The following LINC01488 variants were observed in gnomAD, a reference collection of about 807,000 sequenced individuals.
LINC01488 encodes the protein long independently transcribed non-coding RNA 1488.
intron 1 of LINC01488, among the ~76,000 whole-genome samples, chr11:69,484,572 A>C (rs949539541): frequency 1.3e-5 from 2 of 152,264 alleles, no homozygotes; most frequent in African/African-American, 2.4e-5. Context: ...ACAGCTTTTA[A>C]GGACCTCTAG....
intron 1 of LINC01488, among the ~76,000 whole-genome samples, chr11:69,486,336 G>C (rs923535214): frequency 6.6e-6 from 1 of 152,190 alleles, no homozygotes; most frequent in African/African-American, 2.4e-5. Flanking sequence ...TGGGCCATCT[G>C]GGGGAGCATC....
At chr11:69,489,710 A>G (rs766185157) in intron 1 of LINC01488, among the ~76,000 whole-genome samples, 2 of 152,216 alleles carry the variant, frequency 1.3e-5, no homozygotes, top group Non-Finnish European at 2.9e-5. Context: ...CTCATTTGCA[A>G]AATCAAAAAG....
intron 1 of LINC01488, among the ~76,000 whole-genome samples, chr11:69,486,396 T>C (rs1857118233): frequency 6.6e-6 from 1 of 152,124 alleles, no homozygotes; most frequent in African/African-American, 2.4e-5. Context: ...CACCACGAGG[T>C]CCACCTGCCC....
At chr11:69,489,231 C>A (rs372907766) in intron 1 of LINC01488, among the ~76,000 whole-genome samples, 5 of 152,068 alleles carry the variant, frequency 3.3e-5, no homozygotes, top group Non-Finnish European at 7.4e-5. Context: ...GTCTCTCCAC[C>A]GCAGACCACA....
rs191231473 is a variant in LINC01488, at chr11:69,481,701, G to A, written n.40G>A. 2.2e-3 allele frequency: 332 copies of A among 152,464 alleles called. 1 individual carries two copies. The highest frequency in any genetic ancestry group is 3.6e-3 in the Non-Finnish European group (242 of 68,120). 9.4% of individuals were successfully genotyped at this position (152,464 alleles called of 1,614,324 possible). A position where few individuals can be genotyped will look rare whatever the true frequency, so the allele number is the denominator to read the frequency against. ...CAGCCTGAGCATCTGCAAACAGAGT[G>A]GCTCACAGAGAGGACACCTGCCCTG... On this transcript the variant is annotated non_coding_transcript_exon_variant, in exon 1 of 4. Transcript: ENST00000644563.
chr11:69,487,452 T>C (rs1438386270), intron 1 of LINC01488, among the ~76,000 whole-genome samples: 1 of 152,168 alleles, frequency 6.6e-6, no homozygotes, highest in Admixed American at 6.5e-5. Context: ...GGGATGATGT[T>C]CTGAGGTCCT....
intron 1 of LINC01488, chr11:69,490,483 G>A (rs1179765897): frequency 6.6e-6 from 1 of 152,248 alleles, no homozygotes; most frequent in Non-Finnish European, 1.5e-5. Flanking sequence ...ATGAATCCTT[G>A]TTTTCTTCCA....
chr11:69,491,049 G>A (rs1345050873), exon 3 of LINC01488: 1 of 152,260 alleles, frequency 6.6e-6, no homozygotes, highest in Non-Finnish European at 1.5e-5. Context: ...GCCAGCTGCT[G>A]GAGACATGAA....
intron 1 of LINC01488, among the ~76,000 whole-genome samples, chr11:69,483,179 G>A (rs1281657910): frequency 6.6e-6 from 1 of 152,186 alleles, no homozygotes; most frequent in Non-Finnish European, 1.5e-5. Context: ...GTGCAAGGGA[G>A]GGCAGCCATC....
intron 1 of LINC01488, among the ~76,000 whole-genome samples, chr11:69,486,975 C>T (rs1857132517): frequency 6.6e-6 from 1 of 152,234 alleles, no homozygotes; most frequent in South Asian, 2.1e-4. Flanking sequence ...TTCGCGTTAA[C>T]CCGAAAAGCC....
At chr11:69,482,835 T>TTGGC (rs1244112009) in intron 1 of LINC01488, among the ~76,000 whole-genome samples, 1 of 152,234 alleles carries the variant, frequency 6.6e-6, no homozygotes, top group African/African-American at 2.4e-5. Flanking sequence ...GTCTCTTTCC[T>TTGGC]TGGCTCGTAG....
At chr11:69,487,437 G>T (rs1326426137) in intron 1 of LINC01488, among the ~76,000 whole-genome samples, 1 of 152,240 alleles carries the variant, frequency 6.6e-6, no homozygotes, top group Non-Finnish European at 1.5e-5. Context: ...TCATCTGTGA[G>T]TTGGGGGATG....
chr11:69,489,248 C>T (rs1194754303), intron 1 of LINC01488, among the ~76,000 whole-genome samples: 1 of 152,054 alleles, frequency 6.6e-6, no homozygotes, highest in East Asian at 1.9e-4. Flanking sequence ...CACACTGTGA[C>T]CCCGGGCACC....
chr11:69,489,862 G>T (rs545788539), intron 1 of LINC01488, among the ~76,000 whole-genome samples: 1 of 152,138 alleles, frequency 6.6e-6, no homozygotes, highest in Non-Finnish European at 1.5e-5. Flanking sequence ...GCCCCATCCC[G>T]ACACTCTCAG....
rs151316242 is a variant in LINC01488, at chr11:69,490,305, G to A, written n.123-190G>A. ...GTAAGGCTGGCAGGACTGCGGAGGCGTGGGATCTGGGGCGTACACAGCCAA... is the reference window on the plus strand; with the variant it reads ...GTAAGGCTGGCAGGACTGCGGAGGCATGGGATCTGGGGCGTACACAGCCAA... On this transcript the variant is annotated intron_variant and non_coding_transcript_variant, in intron 1 of 3. Transcript: ENST00000644563. 4.0e-4 allele frequency among the ~76,000 whole-genome samples: 61 copies of A among 152,368 alleles called. 1 individual carries two copies. The highest frequency in any genetic ancestry group is 1.5e-3 in the South Asian group (7 of 4,826).
intron 1 of LINC01488, among the ~76,000 whole-genome samples, chr11:69,484,607 C>T (rs1857085341): frequency 6.6e-6 from 1 of 152,236 alleles, no homozygotes. Flanking sequence ...GTTTCAGGCA[C>T]TAGAAAAGGC....
intron 1 of LINC01488, among the ~76,000 whole-genome samples, chr11:69,486,638 G>A (rs888340722): frequency 6.6e-6 from 1 of 152,232 alleles, no homozygotes; most frequent in Non-Finnish European, 1.5e-5. Context: ...CTTCTGCTCA[G>A]AGACTGAGGA....
At chr11:69,491,513 G>A (rs1329463553) in intron 3 of LINC01488, 1 of 152,330 alleles carries the variant, frequency 6.6e-6, no homozygotes, top group Admixed American at 6.5e-5. Flanking sequence ...GAAGCTGTGG[G>A]GTGAGGGAGG....
At chr11:69,484,404 C>T (rs1411362011) in intron 1 of LINC01488, among the ~76,000 whole-genome samples, 1 of 152,204 alleles carries the variant, frequency 6.6e-6, no homozygotes, top group Non-Finnish European at 1.5e-5. Context: ...GAGCCCCATG[C>T]ACCTGCTTCT....
Sources: allele counts gnomAD v4.1 joint callset (sites outside exome capture counted in the v4.1 genomes callset), GRCh38; gene constraint gnomAD v4.1.1; transcripts MANE v1.5; gene names NCBI Gene and HGNC (gene_info 2026-07-23, HGNC 2026-07-21).